KDM4C: variants seen among roughly 807,000 people sequenced by gnomAD.
KDM4C encodes the protein lysine demethylase 4C.
Under a neutral mutation model 129.3 loss-of-function variants are expected in KDM4C, and 81 were observed. That is an observed-to-expected ratio of 0.63 (90% CI 0.52 to 0.75). KDM4C has a LOEUF of 0.75. KDM4C is among the 30% of genes least tolerant of loss of function. The pLI, the probability that KDM4C is intolerant of heterozygous loss-of-function variation, is 0.00. For missense variants in KDM4C, 1,457 were observed against 1,304.0 expected (o/e 1.12, Z -1.81); for synonymous variants, 573 against 456.1 (o/e 1.26, Z -3.26).
intron 5 of KDM4C, among the ~76,000 whole-genome samples, chr9:6,860,902 C>G (rs189654501): frequency 2.2e-4 from 33 of 152,202 alleles, no homozygotes; most frequent in African/African-American, 7.9e-4. Context: ...CCCCAACTAA[C>G]TCCTTTTTTG....
At chr9:7,106,738 T>G (rs182379805) in intron 18 of KDM4C, among the ~76,000 whole-genome samples, 13 of 152,274 alleles carry the variant, frequency 8.5e-5, no homozygotes, top group African/African-American at 3.1e-4. Context: ...CAAGAGATCC[T>G]TTAGCCTCAG....
At chr9:6,821,306 A>G (rs111560083) in intron 4 of KDM4C, among the ~76,000 whole-genome samples, 1 of 152,188 alleles carries the variant, frequency 6.6e-6, no homozygotes, top group Non-Finnish European at 1.5e-5. Flanking sequence ...ACTGTCTTCC[A>G]CAGTGGTTGA....
upstream of KDM4C, chr9:6,757,921 C>G: frequency 3.0e-6 from 3 of 985,412 alleles, no homozygotes; most frequent in Non-Finnish European, 3.6e-6. Context: ...ACGTGACTCA[C>G]CAAGTGCGGG....
At position 7,030,629 on chromosome 9, in the gene KDM4C, A is replaced by C. The variant is rs1055027701; in HGVS notation, c.2259+14700A>C. On this transcript the variant is annotated intron_variant, in intron 15 of 21. Coordinates refer to ENST00000381309, the MANE Select transcript of KDM4C (RefSeq NM_015061.6). ...TGAACTTAAAGTTGCTATAAAAAATAAAGTCTAATAAAAAAGTTATTTTAA... is the reference window on the plus strand; with the variant it reads ...TGAACTTAAAGTTGCTATAAAAAATCAAGTCTAATAAAAAAGTTATTTTAA... Among the ~76,000 whole-genome samples, 4 of 152,238 alleles carry C rather than the reference A, an allele frequency of 2.6e-5. No individual in the cohort carries two copies. In the East Asian group the frequency reaches 5.8e-4, roughly 22 times the overall value.
intron 8 of KDM4C, among the ~76,000 whole-genome samples, chr9:6,928,781 C>T (rs1438024122): frequency 2.6e-5 from 4 of 152,150 alleles, no homozygotes; most frequent in Admixed American, 1.3e-4. Flanking sequence ...AGGTTGATGG[C>T]TACCCCTTGG....
Position 7,002,741 on chromosome 9 carries a change from C to G in KDM4C, c.1787-8957C>G, listed in dbSNP as rs541200173. The stretch of plus-strand genomic sequence containing the variant: ...TAATTATTTTAGATGATGCTAGCAT[C>G]ATTTTTACTGGTAAGGCAATCGAAG... On this transcript the variant is annotated intron_variant, in intron 12 of 21. Transcript: ENST00000381309. Among the ~76,000 whole-genome samples, 78 of 152,314 alleles carry G rather than the reference C, an allele frequency of 5.1e-4. No individual in the cohort carries two copies. In the South Asian group the frequency reaches 6.6e-3, roughly 13 times the overall value.
intron 17 of KDM4C, among the ~76,000 whole-genome samples, chr9:7,065,725 C>T (rs535846076): frequency 5.9e-5 from 9 of 152,044 alleles, no homozygotes; most frequent in Non-Finnish European, 1.2e-4. Context: ...TTTATGAAAG[C>T]AGTGGTAGTG....
intron 18 of KDM4C, among the ~76,000 whole-genome samples, chr9:7,121,703 C>T (rs113840117): frequency 2.6e-5 from 4 of 152,052 alleles, no homozygotes; most frequent in African/African-American, 9.7e-5. Context: ...ATCCAAGTTA[C>T]TAATCCAACC....
intron 1 of KDM4C, among the ~76,000 whole-genome samples, chr9:6,780,491 G>A (rs1166490849): frequency 6.6e-6 from 1 of 151,778 alleles, no homozygotes; most frequent in Non-Finnish European, 1.5e-5. Context: ...AATTGGCCAG[G>A]TGCTGTGGCT....
intron 8 of KDM4C, among the ~76,000 whole-genome samples, chr9:6,898,512 A>T (rs191447862): frequency 3.5e-4 from 53 of 152,362 alleles, no homozygotes; most frequent in Admixed American, 1.8e-3. Context: ...TATGTCAGAA[A>T]GTTGAAAAAC....
At chr9:7,023,423 C>T (rs1288993614) in intron 15 of KDM4C, among the ~76,000 whole-genome samples, 2 of 152,096 alleles carry the variant, frequency 1.3e-5, no homozygotes, top group Admixed American at 6.6e-5. Context: ...TATTTATTGG[C>T]ATATAGTTGC....
chr9:6,828,866 C>T (rs1215385205), intron 4 of KDM4C, among the ~76,000 whole-genome samples: 4 of 130,256 alleles, frequency 3.1e-5, no homozygotes, highest in African/African-American at 6.5e-5. Flanking sequence ...ATCGAAACTC[C>T]GTCTCAAGAA....
intron 4 of KDM4C, among the ~76,000 whole-genome samples, chr9:6,845,785 G>A (rs1365150665): frequency 6.6e-6 from 1 of 152,242 alleles, no homozygotes; most frequent in Non-Finnish European, 1.5e-5. Flanking sequence ...AGTCAGGTGA[G>A]TTATGAATAT....
chr9:6,728,154 C>T (rs140406345), intron 1 of KDM4C, among the ~76,000 whole-genome samples: 2 of 149,498 alleles, frequency 1.3e-5, no homozygotes, highest in Non-Finnish European at 3.0e-5. Context: ...GGGACAGCTG[C>T]AAAGAAAAAG....
intron 19 of KDM4C, among the ~76,000 whole-genome samples, chr9:7,145,039 T>C (rs117500620): frequency 1.3e-5 from 2 of 152,262 alleles, no homozygotes; most frequent in East Asian, 3.9e-4. Context: ...ACCTGGCTGA[T>C]TGAGTTAAAC....
At chr9:7,079,643 T>G (rs6477148) in intron 17 of KDM4C, among the ~76,000 whole-genome samples, 16,806 of 152,246 alleles carry the variant, frequency 0.11, 1,226 homozygotes, top group East Asian at 0.2. Flanking sequence ...TTGAACAAAC[T>G]ACCCTTTACC....
intron 14 of KDM4C, chr9:7,014,218 G>C: frequency 2.2e-6 from 1 of 448,142 alleles, no homozygotes. Context: ...AGCAGGTCTG[G>C]TTTTTTTTGT....
At chr9:7,004,255 GTGAGTGAACGAATCTGGCAAAAATC>G (rs1463169173) in intron 12 of KDM4C, among the ~76,000 whole-genome samples, 2 of 152,192 alleles carry the variant, frequency 1.3e-5, no homozygotes, top group African/African-American at 4.8e-5. Flanking sequence ...ACTGTCCTGA[GTGAGTGAACGAATCTGGCAAAAATC>G]TGTTCTTAAG....
At chr9:7,169,712 C>A in intron 20 of KDM4C, 86 bp from the exon 21 acceptor site, 1 of 1,054,642 alleles carries the variant, frequency 9.5e-7, no homozygotes. Context: ...GAGTCCTTTT[C>A]ATCTTTTCAT....
Sources: allele counts gnomAD v4.1 joint callset (sites outside exome capture counted in the v4.1 genomes callset), GRCh38; gene constraint gnomAD v4.1.1; transcripts MANE v1.5; gene names NCBI Gene and HGNC (gene_info 2026-07-23, HGNC 2026-07-21).